Variants in DIAPH3 observed in about 807,000 individuals in gnomAD.
DIAPH3 encodes protein diaphanous homolog 3.
In DIAPH3, 117 loss-of-function variants were observed where a neutral mutation model predicts 144.3. The ratio of observed to expected loss-of-function variants is 0.81; its 90% CI spans 0.70 to 0.95. The LOEUF (loss-of-function observed/expected upper bound fraction) is 0.95. DIAPH3 is among the 40% of genes least tolerant of loss of function. The probability of loss-of-function intolerance (pLI) is 0.00; values close to 1 mark genes in which losing one functional copy is unlikely to be tolerated. For missense variants in DIAPH3, 1,421 were observed against 1,412.7 expected (o/e 1.01, Z -0.09); for synonymous variants, 519 against 488.9 (o/e 1.06, Z -0.81).
intron 2 of DIAPH3, among the ~76,000 whole-genome samples, chr13:60,131,551 A>G (rs1371242083): frequency 1.3e-5 from 2 of 151,970 alleles, no homozygotes; most frequent in African/African-American, 4.8e-5. Context: ...ACCACATACG[A>G]TATGAGTCAA....
rs2051887292 is a variant in DIAPH3 at position 59,992,450 on chromosome 13, TAAG to T, written c.1125+20_1125+22del. 6.4e-7 allele frequency: 1 copy of T among 1,555,366 alleles called. No individual in the cohort carries two copies. Among genetic ancestry groups the T allele is most frequent in the African/African-American group, 1.4e-5 (1 of 73,166 alleles). ...AGTACTCTTTTAATTTAAATATTAA[TAAG>T]GAGACTGCAGGGCACTTACTGGCAA... On this transcript the variant is annotated intron_variant, in intron 10 of 27. Coordinates refer to ENST00000400324, the MANE Select transcript of DIAPH3 (RefSeq NM_001042517.2).
Position 59,833,194 on chromosome 13 carries a change from A to T in DIAPH3, c.2940T>A (p.Ser980Arg), listed in dbSNP as rs778047401. ...CATCAATGGCATAGTATCCTATTAT[A>T]CTCTGGTATAACTTTTCCATGTTTT... ...LHENMEKLYQ[S>R]IIGYYAIDVK... Residue 980 changes from serine (S) to arginine (R), a missense_variant, in exon 24 of 28, where the codon AGT becomes AGA. By Grantham distance (110) the Ser-to-Arg change is moderately radical (BLOSUM62 -1). Coordinates refer to ENST00000400324, the MANE Select transcript of DIAPH3 (RefSeq NM_001042517.2). 6 of 1,610,254 alleles carry T rather than the reference A, an allele frequency of 3.7e-6. No homozygotes were observed. The highest frequency in any genetic ancestry group is 5.1e-6 in the Non-Finnish European group (6 of 1,177,818).
intron 27 of DIAPH3, among the ~76,000 whole-genome samples, chr13:59,699,028 A>T (rs2033961153): frequency 6.6e-6 from 1 of 152,234 alleles, no homozygotes; most frequent in Admixed American, 6.5e-5. Context: ...ATATGGGTCA[A>T]GCTCTGTTCT....
intron 22 of DIAPH3, among the ~76,000 whole-genome samples, chr13:59,847,557 C>T (rs901965258): frequency 3.3e-5 from 5 of 152,060 alleles, no homozygotes; most frequent in African/African-American, 1.2e-4. Flanking sequence ...TTCAGAATTC[C>T]CTTAGATAAG....
intron 17 of DIAPH3, among the ~76,000 whole-genome samples, chr13:59,965,469 A>T (rs1594151184): frequency 1.3e-5 from 2 of 151,904 alleles, no homozygotes; most frequent in South Asian, 2.1e-4. Flanking sequence ...AACACCAATA[A>T]CCTGTTAGTA....
intron 27 of DIAPH3, among the ~76,000 whole-genome samples, chr13:59,675,102 C>T (rs1286571794): frequency 1.3e-5 from 2 of 152,200 alleles, no homozygotes; most frequent in Non-Finnish European, 2.9e-5. Flanking sequence ...TGCTCTGTCG[C>T]TTGCTCAGGC....
chr13:59,856,683 A>G (rs377478994), intron 22 of DIAPH3, among the ~76,000 whole-genome samples: 1 of 152,208 alleles, frequency 6.6e-6, no homozygotes, highest in Admixed American at 6.5e-5. Context: ...CTCCAAACAT[A>G]GTCAAGTTCT....
chr13:59,979,115 T>C (rs2050838038), intron 14 of DIAPH3, among the ~76,000 whole-genome samples: 1 of 151,692 alleles, frequency 6.6e-6, no homozygotes, highest in Non-Finnish European at 1.5e-5. Flanking sequence ...TAGTATTTTC[T>C]GAATCTAACT....
At chr13:59,741,703 C>CAAAAAA (rs756556231) in intron 27 of DIAPH3, among the ~76,000 whole-genome samples, 4,031 of 92,502 alleles carry the variant, frequency 0.044, 64 homozygotes, top group Admixed American at 0.09. Context: ...GGCAACAAAG[C>CAAAAAA]AAAAAAAAAA....
chr13:59,782,131 G>T (rs543936031), intron 25 of DIAPH3, among the ~76,000 whole-genome samples: 9 of 150,926 alleles, frequency 6.0e-5, no homozygotes, highest in African/African-American at 2.2e-4. Flanking sequence ...TGAAATTTGG[G>T]GTAAAGAAAA....
chr13:59,724,276 G>A (rs1407369489), intron 27 of DIAPH3, among the ~76,000 whole-genome samples: 1 of 152,136 alleles, frequency 6.6e-6, no homozygotes, highest in Non-Finnish European at 1.5e-5. Flanking sequence ...GGCAACCCTA[G>A]TAGTAGAAAA....
intron 23 of DIAPH3, chr13:59,838,863 C>T: frequency 6.2e-6 from 1 of 160,882 alleles, no homozygotes; most frequent in South Asian, 1.7e-4. Context: ...AATCCCAGCA[C>T]TTTGGGAGGC....
chr13:59,905,337 T>C (rs2046670596), intron 20 of DIAPH3, among the ~76,000 whole-genome samples: 1 of 87,632 alleles, frequency 1.1e-5, no homozygotes, highest in African/African-American at 5.0e-5. Flanking sequence ...AGCGAGACTC[T>C]GTCTCAAAAA....
chr13:59,932,658 G>A (rs2048076937), intron 17 of DIAPH3, among the ~76,000 whole-genome samples: 1 of 152,092 alleles, frequency 6.6e-6, no homozygotes, highest in African/African-American at 2.4e-5. Context: ...TTAATTTAAT[G>A]TATCAGCATA....
At chr13:59,877,836 G>A (rs191519227) in intron 21 of DIAPH3, among the ~76,000 whole-genome samples, 2 of 151,906 alleles carry the variant, frequency 1.3e-5, no homozygotes, top group African/African-American at 4.8e-5. Context: ...CACATGCCAT[G>A]CTATAACCCT....
At chr13:60,090,516 A>G (rs1051254263) in intron 4 of DIAPH3, among the ~76,000 whole-genome samples, 2 of 152,226 alleles carry the variant, frequency 1.3e-5, no homozygotes, top group African/African-American at 2.4e-5. Context: ...TTACCCAAAA[A>G]GGAGAATCTC....
intron 27 of DIAPH3, among the ~76,000 whole-genome samples, chr13:59,744,014 G>A (rs1010788197): frequency 6.6e-6 from 1 of 152,068 alleles, no homozygotes; most frequent in Non-Finnish European, 1.5e-5. Flanking sequence ...TGTTAGGATC[G>A]ACTTTTTATT....
chr13:60,073,245 G>A (rs899221819), intron 4 of DIAPH3, among the ~76,000 whole-genome samples: 1 of 151,936 alleles, frequency 6.6e-6, no homozygotes, highest in Non-Finnish European at 1.5e-5. Context: ...GCAGGTGGAG[G>A]TTGCAGTGAG....
chr13:60,085,036 T>C lies in DIAPH3; in HGVS notation c.495+8592A>G, dbSNP rs538105131. Among the ~76,000 whole-genome samples the C allele has an allele frequency of 3.9e-5, 6 of 152,202 alleles. No homozygotes were observed. The South Asian group carries it at 1.2e-3, about 32-fold the overall frequency. ...GATATCTCTTAAGTACAAAAGAGCT[T>C]AGGAGTTTAAGTTTAATGCCACCAA... On this transcript the variant is annotated intron_variant, in intron 4 of 27. Coordinates refer to ENST00000400324, the MANE Select transcript of DIAPH3 (RefSeq NM_001042517.2).
Sources: allele counts gnomAD v4.1 joint callset (sites outside exome capture counted in the v4.1 genomes callset), GRCh38; gene constraint gnomAD v4.1.1; transcripts MANE v1.5; gene names NCBI Gene and HGNC (gene_info 2026-07-23, HGNC 2026-07-21).